Variants in KCNB2 observed in about 807,000 individuals in gnomAD.
The protein encoded by KCNB2 is potassium voltage-gated channel subfamily B member 2.
A neutral mutation model predicts 61.5 loss-of-function variants in KCNB2; 15 were observed. The ratio of observed to expected loss-of-function variants is 0.24; its 90% CI spans 0.16 to 0.38. KCNB2 has a LOEUF of 0.38. Among genes scored for constraint, KCNB2 ranks in the 10% least tolerant of loss-of-function variants. The pLI, the probability that KCNB2 is intolerant of heterozygous loss-of-function variation, is 1.00. For synonymous variants in KCNB2, 457 were observed against 446.0 expected, an observed-to-expected ratio of 1.02 and a Z score of -0.31; for missense variants, 828 against 1,125.2, an observed-to-expected ratio of 0.74 and a Z score of 3.78.
chr8:72,602,292 G>A (rs1424536030), intron 2 of KCNB2, among the ~76,000 whole-genome samples: 4 of 152,166 alleles, frequency 2.6e-5, no homozygotes, highest in South Asian at 2.1e-4. Flanking sequence ...TGGGGAGGTG[G>A]CCTCAAGTTT....
chr8:72,776,366 A>G (rs138441465), intron 2 of KCNB2, among the ~76,000 whole-genome samples: 192 of 152,296 alleles, frequency 1.3e-3, no homozygotes, highest in African/African-American at 4.0e-3. Context: ...AAACCTGCAC[A>G]TTGTGCACAT....
At chr8:72,790,642 G>C (rs903657753) in intron 2 of KCNB2, among the ~76,000 whole-genome samples, 1 of 152,184 alleles carries the variant, frequency 6.6e-6, no homozygotes, top group Non-Finnish European at 1.5e-5. Flanking sequence ...AGGACCCAGA[G>C]AGAACGGGTG....
At chr8:72,835,959 T>C (rs1809775110) in intron 2 of KCNB2, among the ~76,000 whole-genome samples, 1 of 152,212 alleles carries the variant, frequency 6.6e-6, no homozygotes, top group South Asian at 2.1e-4. Context: ...CCTTTTTCCT[T>C]GTCTTTTTGT....
intron 2 of KCNB2, among the ~76,000 whole-genome samples, chr8:72,617,681 T>G (rs1224331878): frequency 6.6e-6 from 1 of 152,134 alleles, no homozygotes; most frequent in African/African-American, 2.4e-5. Context: ...ATTCAGTCAC[T>G]ATTTCACTGC....
At chr8:72,901,119 C>T (rs1396634798) in intron 2 of KCNB2, among the ~76,000 whole-genome samples, 1 of 152,188 alleles carries the variant, frequency 6.6e-6, no homozygotes, top group Non-Finnish European at 1.5e-5. Context: ...GCCCTCTGCA[C>T]TCCTCCACTC....
At chr8:72,626,800 A>G (rs939328710) in intron 2 of KCNB2, among the ~76,000 whole-genome samples, 6 of 152,336 alleles carry the variant, frequency 3.9e-5, no homozygotes, top group African/African-American at 1.4e-4. Flanking sequence ...ACAGTGTCAG[A>G]TGCTGTGTTC....
intron 2 of KCNB2, among the ~76,000 whole-genome samples, chr8:72,902,540 C>T (rs1289245390): frequency 1.3e-5 from 2 of 152,104 alleles, no homozygotes; most frequent in African/African-American, 4.8e-5. Context: ...GGATATTGAA[C>T]TCTCCTGGGG....
chr8:72,789,456 T>C (rs1342020738), intron 2 of KCNB2, among the ~76,000 whole-genome samples: 1 of 152,126 alleles, frequency 6.6e-6, no homozygotes, highest in Non-Finnish European at 1.5e-5. Flanking sequence ...ATGGAAGATC[T>C]AACAGAAGAC....
chr8:72,817,130 GTCCT>G (rs1338267623), intron 2 of KCNB2, among the ~76,000 whole-genome samples: 1 of 152,146 alleles, frequency 6.6e-6, no homozygotes, highest in Non-Finnish European at 1.5e-5. Flanking sequence ...GGGCAACATT[GTCCT>G]TAGAAAATAC....
intron 2 of KCNB2, among the ~76,000 whole-genome samples, chr8:72,646,507 A>C (rs1486737782): frequency 6.6e-6 from 1 of 152,174 alleles, no homozygotes; most frequent in African/African-American, 2.4e-5. Context: ...TATACTTCCC[A>C]AAAAATTGAT....
At chr8:72,734,624 C>T (rs1807807287) in intron 2 of KCNB2, among the ~76,000 whole-genome samples, 1 of 151,996 alleles carries the variant, frequency 6.6e-6, no homozygotes, top group Non-Finnish European at 1.5e-5. Flanking sequence ...ATGAATATTC[C>T]CCGGGAGAAG....
chr8:72,783,016 C>G (rs1035443480), intron 2 of KCNB2, among the ~76,000 whole-genome samples: 24 of 152,246 alleles, frequency 1.6e-4, no homozygotes, highest in African/African-American at 5.5e-4. Context: ...TTAAAGTTTA[C>G]CTTCTGCAAC....
At chr8:72,801,449 G>A (rs1479450045) in intron 2 of KCNB2, among the ~76,000 whole-genome samples, 1 of 152,170 alleles carries the variant, frequency 6.6e-6, no homozygotes, top group African/African-American at 2.4e-5. Context: ...TCCTTTGAAG[G>A]TCAGATAGCA....
intron 1 of KCNB2, among the ~76,000 whole-genome samples, chr8:72,548,939 T>C (rs75421492): frequency 0.021 from 3,241 of 152,314 alleles, 106 homozygotes; most frequent in African/African-American, 0.071. Flanking sequence ...TGAGTCACTT[T>C]GTCGAACTGG....
chr8:72,775,089 C>T (rs994802133), intron 2 of KCNB2, among the ~76,000 whole-genome samples: 12 of 152,202 alleles, frequency 7.9e-5, no homozygotes, highest in African/African-American at 2.9e-4. Flanking sequence ...CAGACCACAC[C>T]TCACTAGCTC....
Position 72,567,913 on chromosome 8 carries a change from G to T in KCNB2, c.179G>T (p.Arg60Leu). 3 of 1,613,946 alleles carry T rather than the reference G, an allele frequency of 1.9e-6. No homozygotes were observed. Among genetic ancestry groups the T allele is most frequent in the Non-Finnish European group, 2.5e-6 (3 of 1,179,946 alleles). Residue 60 changes from arginine to leucine, a missense_variant, in exon 2 of 3, where the codon CGC becomes CTC. By Grantham distance (102) the Arg-to-Leu change is moderately radical (BLOSUM62 -2). This residue lies in a region of KCNB2 where 163 missense variants were observed against 314.4 expected (regional missense o/e 0.52). Transcript: ENST00000523207. ...WRTLDRLPRT[R>L]LGKLRDCNTH... The stretch of plus-strand genomic sequence containing the variant: ...ACGCTGGACAGGCTGCCCAGGACGC[G>T]CCTGGGGAAGCTTCGAGACTGCAAC...
At chr8:72,696,771 A>C (rs974265878) in intron 2 of KCNB2, among the ~76,000 whole-genome samples, 6 of 152,176 alleles carry the variant, frequency 3.9e-5, no homozygotes, top group Admixed American at 3.3e-4. Context: ...TGGACATGCT[A>C]AAAGTTTCTC....
chr8:72,584,616 C>T (rs917179465), intron 2 of KCNB2, among the ~76,000 whole-genome samples: 2 of 152,172 alleles, frequency 1.3e-5, no homozygotes, highest in Non-Finnish European at 2.9e-5. Flanking sequence ...ACCACTCTCA[C>T]CTGCCCACCC....
At chr8:72,582,849 G>A (rs1012027220) in intron 2 of KCNB2, among the ~76,000 whole-genome samples, 4 of 151,980 alleles carry the variant, frequency 2.6e-5, no homozygotes, top group African/African-American at 9.7e-5. Context: ...CAAACTCCTG[G>A]CCTCAAGCAA....
Sources: allele counts gnomAD v4.1 joint callset (sites outside exome capture counted in the v4.1 genomes callset), GRCh38; gene constraint gnomAD v4.1.1; regional missense constraint gnomAD v4.1.1; transcripts MANE v1.5; gene names NCBI Gene and HGNC (gene_info 2026-07-23, HGNC 2026-07-21).